The following MACF1 variants were observed in gnomAD, a reference collection of about 807,000 sequenced individuals.
The protein encoded by MACF1 is microtubule actin crosslinking factor 1.
Under a neutral mutation model 854.8 loss-of-function variants are expected in MACF1, and 193 were observed. The observed-to-expected ratio is 0.23, with a 90% CI of 0.20 to 0.25. The LOEUF is 0.25. Among genes scored for constraint, MACF1 ranks in the 10% least tolerant of loss-of-function variants. MACF1 has a pLI of 1.00. For missense variants in MACF1, 7,722 were observed against 8,929.1 expected (o/e 0.86, Z 5.45); for synonymous variants, 3,185 against 3,226.7 (o/e 0.99, Z 0.44).
intron 2 of MACF1, among the ~76,000 whole-genome samples, chr1:39,089,405 T>C (rs1641750988): frequency 6.6e-6 from 1 of 152,338 alleles, no homozygotes; most frequent in South Asian, 2.1e-4. Context: ...CAAATGCTGC[T>C]GAAATAATCA....
intron 2 of MACF1, among the ~76,000 whole-genome samples, chr1:39,152,661 A>C (rs538092986): frequency 1.3e-5 from 2 of 152,294 alleles, no homozygotes; most frequent in African/African-American, 4.8e-5. Context: ...GCCACCATAC[A>C]TTCTATCTTG....
intron 94 of MACF1, 168 bp from the exon 95 acceptor site, chr1:39,464,925 AAT>A: frequency 1.6e-6 from 1 of 636,750 alleles, no homozygotes; most frequent in Non-Finnish European, 2.7e-6. Context: ...AAAAAAAAAA[AAT>A]TAAAACCACA....
chr1:39,393,196 A>AAAAAAAAATATATATATATATAT (rs57576149), intron 58 of MACF1, among the ~76,000 whole-genome samples: 6 of 66,576 alleles, frequency 9.0e-5, no homozygotes, highest in Non-Finnish European at 5.1e-5. Flanking sequence ...AAAAAAAAAA[A>AAAAAAAAATATATATATATATAT]ATATATATAT....
chr1:39,143,274 G>A (rs1294730090), intron 2 of MACF1, among the ~76,000 whole-genome samples: 1 of 152,180 alleles, frequency 6.6e-6, no homozygotes, highest in Non-Finnish European at 1.5e-5. Context: ...GCAAGTTGGG[G>A]CTCTTAGAGT....
Position 39,340,582 on chromosome 1 carries a change from G to T in MACF1, c.10296G>T (p.Gln3432His). 2 of 1,614,150 alleles carry T rather than the reference G, an allele frequency of 1.2e-6. No homozygotes were observed. Among genetic ancestry groups the T allele is most frequent in the African/African-American group, 1.3e-5 (1 of 75,052 alleles). The change falls in exon 39 of 101, where the codon CAG becomes CAT. Residue 3432 changes from glutamine (Q) to histidine (H), a missense_variant. This residue lies in a region of MACF1 where 854 missense variants were observed against 852.6 expected (regional missense o/e 1.00). Transcript: ENST00000564288. Reference protein sequence around the residue: ...LECVNQIIISQPQEVPAQLLK... With the variant: ...LECVNQIIISHPQEVPAQLLK... ...GTGTGAATCAGATTATCATCAGCCAGCCTCAAGAAGTTCCTGCTCAACTGT... is the reference window on the plus strand; with the variant it reads ...GTGTGAATCAGATTATCATCAGCCATCCTCAAGAAGTTCCTGCTCAACTGT...
At chr1:39,434,041 G>A (rs1281722238) in intron 68 of MACF1, among the ~76,000 whole-genome samples, 1 of 152,050 alleles carries the variant, frequency 6.6e-6, no homozygotes, top group Non-Finnish European at 1.5e-5. Flanking sequence ...GATCGCGCCA[G>A]TGCACTCCAG....
intron 57 of MACF1, 61 bp downstream of exon 57, chr1:39,385,990 G>C (rs556620932): frequency 1.3e-6 from 2 of 1,513,206 alleles, no homozygotes; most frequent in Admixed American, 4.2e-5. Context: ...AGAAGGAATG[G>C]GTTAGGAGTA....
intron 52 of MACF1, among the ~76,000 whole-genome samples, chr1:39,376,198 A>G (rs572242500): frequency 4.6e-5 from 7 of 152,206 alleles, no homozygotes; most frequent in Non-Finnish European, 1.0e-4. Flanking sequence ...AGAATTCAGC[A>G]TAATTGAACA....
At position 39,387,378 on chromosome 1, in the gene MACF1, C is replaced by T; in HGVS notation, c.14536C>T (p.His4846Tyr). Residue 4846 changes from histidine to tyrosine, a missense_variant, in exon 58 of 101, where the codon CAC becomes TAC. Transcript: ENST00000564288. ...AGAGTTTCAGAAAAGTCTTAATCAACACAGTGGCTCCTATGAGGTGATTGT... is the reference window on the plus strand; with the variant it reads ...AGAGTTTCAGAAAAGTCTTAATCAATACAGTGGCTCCTATGAGGTGATTGT... ...NEEFQKSLNQHSGSYEVIVAE... is the reference protein window; with the variant it reads ...NEEFQKSLNQYSGSYEVIVAE... 1 of 1,614,204 alleles carries T rather than the reference C, an allele frequency of 6.2e-7. No individual in the cohort carries two copies. The highest frequency in any genetic ancestry group is 1.1e-5 in the South Asian group (1 of 91,090).
rs140724379 is a variant in MACF1, at chr1:39,424,098, C to G, written c.16220C>G (p.Ala5407Gly). 12 of 1,612,196 alleles carry G rather than the reference C, an allele frequency of 7.4e-6. No homozygotes were observed. Among genetic ancestry groups the G allele is most frequent in the Non-Finnish European group, 1.0e-5 (12 of 1,179,542 alleles). Residue 5407 changes from alanine (A) to glycine (G), a missense_variant, in exon 61 of 101, where the codon GCC becomes GGC. Transcript: ENST00000564288. ...CTTCAAGCAGAAGGAGGCAGAATAGCCCAGTCAGCAGAGCTGGCTGATAGA... is the reference window on the plus strand; with the variant it reads ...CTTCAAGCAGAAGGAGGCAGAATAGGCCAGTCAGCAGAGCTGGCTGATAGA... ...DMLQAEGGRI[A>G]QSAELADREK...
At chr1:39,175,413 A>C (rs748853309) in intron 2 of MACF1, among the ~76,000 whole-genome samples, 4 of 152,182 alleles carry the variant, frequency 2.6e-5, no homozygotes, top group Non-Finnish European at 5.9e-5. Flanking sequence ...TCACAATGTG[A>C]AGAGGCACAC....
At chr1:39,145,274 T>C (rs1311488211) in intron 2 of MACF1, among the ~76,000 whole-genome samples, 1 of 152,218 alleles carries the variant, frequency 6.6e-6, no homozygotes, top group Non-Finnish European at 1.5e-5. Context: ...AACTTGTTGC[T>C]CCACCCCACC....
intron 40 of MACF1, among the ~76,000 whole-genome samples, chr1:39,341,675 G>GTTC: frequency 6.6e-6 from 1 of 151,892 alleles, no homozygotes; most frequent in Non-Finnish European, 1.5e-5. Context: ...TCCAGCTTGG[G>GTTC]CAACAAGAAC....
chr1:39,438,624 A>G (rs1169914200), intron 71 of MACF1, among the ~76,000 whole-genome samples: 1 of 151,986 alleles, frequency 6.6e-6, no homozygotes, highest in Non-Finnish European at 1.5e-5. Context: ...GTAAAAATAC[A>G]AGAATTAGCT....
At chr1:39,387,059 C>T (rs889043719) in intron 57 of MACF1, 128 bp from the exon 58 acceptor site, 2 of 946,530 alleles carry the variant, frequency 2.1e-6, no homozygotes, top group African/African-American at 3.3e-5. Context: ...TAATTATATG[C>T]CTCTTTTTGG....
chr1:39,339,357 C>T (rs1571359371), intron 38 of MACF1, among the ~76,000 whole-genome samples: 1 of 152,180 alleles, frequency 6.6e-6, no homozygotes, highest in East Asian at 1.9e-4. Flanking sequence ...CTGGAGATCT[C>T]TGAAGAAGAC....
chr1:39,208,073 C>T (rs1015064503), intron 1 of MACF1, among the ~76,000 whole-genome samples: 1 of 147,454 alleles, frequency 6.8e-6, no homozygotes, highest in African/African-American at 2.5e-5. Flanking sequence ...GTGGAGGTTG[C>T]AGTGAGCTGC....
chr1:39,096,875 CTTTTTTTT>C (rs34305714), intron 2 of MACF1, among the ~76,000 whole-genome samples: 1 of 123,802 alleles, frequency 8.1e-6, no homozygotes, highest in Non-Finnish European at 1.7e-5. Context: ...TGAGGGATTC[CTTTTTTTT>C]TTTTTTTTTT....
At chr1:39,205,950 T>C (rs754968516) in intron 1 of MACF1, among the ~76,000 whole-genome samples, 5 of 152,162 alleles carry the variant, frequency 3.3e-5, no homozygotes, top group Non-Finnish European at 5.9e-5. Flanking sequence ...GGTCTAACTT[T>C]TACTGGAGTG....
Sources: allele counts gnomAD v4.1 joint callset (sites outside exome capture counted in the v4.1 genomes callset), GRCh38; gene constraint gnomAD v4.1.1; regional missense constraint gnomAD v4.1.1; transcripts MANE v1.5; gene names NCBI Gene and HGNC (gene_info 2026-07-23, HGNC 2026-07-21).